The following VPS53 variants were observed in gnomAD, a reference collection of about 807,000 sequenced individuals.
VPS53 encodes VPS53 subunit of GARP complex.
A neutral mutation model predicts 107.0 loss-of-function variants in VPS53; 70 were observed. That is an observed-to-expected ratio of 0.65 (90% CI 0.54 to 0.80). VPS53 has a LOEUF of 0.80. VPS53 is among the 30% of genes least tolerant of loss of function. The pLI, the probability that VPS53 is intolerant of heterozygous loss-of-function variation, is 0.00. For missense variants in VPS53, 917 were observed against 1,049.4 expected, an observed-to-expected ratio of 0.87 and a Z score of 1.74; for synonymous variants, 409 against 393.3, an observed-to-expected ratio of 1.04 and a Z score of -0.47.
rs1006196752 is a variant in VPS53 at position 590,203 on chromosome 17, C to T, written c.1219-3839G>A. On this transcript the variant is annotated intron_variant, in intron 12 of 21. Transcript: ENST00000437048. The stretch of plus-strand genomic sequence containing the variant: ...TGTCTGTTGTTGGTGTATAAGAATG[C>T]TCGTGATTTTTGTACATTGATTTTG... Among the ~76,000 whole-genome samples, 144 of 152,102 alleles carry T rather than the reference C, an allele frequency of 9.5e-4. 2 individuals carry two copies. The highest frequency in any genetic ancestry group is 3.4e-3 in the African/African-American group (140 of 41,502).
chr17:600,653 T>C (rs923116262), intron 12 of VPS53, among the ~76,000 whole-genome samples: 1 of 152,214 alleles, frequency 6.6e-6, no homozygotes, highest in South Asian at 2.1e-4. Context: ...CAATGAGACA[T>C]GAGTCCATCA....
chr17:672,712 C>T (rs1474758944), intron 4 of VPS53, among the ~76,000 whole-genome samples: 1 of 152,114 alleles, frequency 6.6e-6, no homozygotes, highest in Non-Finnish European at 1.5e-5. Context: ...ATGTACTGTG[C>T]TAGATACTGA....
At chr17:654,440 T>C (rs903980338) in intron 6 of VPS53, among the ~76,000 whole-genome samples, 22 of 152,042 alleles carry the variant, frequency 1.4e-4, no homozygotes, top group African/African-American at 1.9e-4. Context: ...ATAAGAAGCA[T>C]TGAAAAAGAC....
At chr17:713,676 G>A (rs1249303417) in intron 1 of VPS53, among the ~76,000 whole-genome samples, 1 of 146,854 alleles carries the variant, frequency 6.8e-6, no homozygotes, top group African/African-American at 2.4e-5. Context: ...AAGAAAAAAA[G>A]AAAAGAAAAA....
rs116333285 is a variant in VPS53 at position 702,872 on chromosome 17, G to A, written c.169-3492C>T. ...TTTCCCTTAATCCCCTCTGCCAGGC[G>A]AGGCACACTTTTCTCCTCTTCAACG... On this transcript the variant is annotated intron_variant, in intron 2 of 21. Transcript: ENST00000437048. Among the ~76,000 whole-genome samples, 155 of 152,088 alleles carry A rather than the reference G, an allele frequency of 1.0e-3. 2 individuals are homozygous for A. Among genetic ancestry groups the A allele is most frequent in the African/African-American group, 3.5e-3 (144 of 41,484 alleles).
Position 661,869 on chromosome 17 carries a change from G to T in VPS53, c.312C>A (p.Ile104=), listed in dbSNP as rs1199563756. 1.3e-6 allele frequency: 2 copies of T among 1,552,228 alleles called. No homozygotes were observed. The highest frequency in any genetic ancestry group is 3.9e-5 in the Admixed American group (2 of 50,998). ...RQALEEAQKA[I]QQLFGKIKDI... ...CTTTGATTTTGCCAAAGAGTTGTTG[G>T]ATAGCTTTCTGAGCCTCTTCAAGCG... The change falls in exon 5 of 22, where the codon ATC becomes ATA. Residue 104 remains isoleucine (I), a synonymous_variant. Transcript: ENST00000437048.
At chr17:552,370 T>C (rs1373412536) in intron 16 of VPS53, among the ~76,000 whole-genome samples, 3 of 152,192 alleles carry the variant, frequency 2.0e-5, no homozygotes, top group East Asian at 3.9e-4. Context: ...AAGTGGTTGA[T>C]GTGAAAGCTG....
chr17:609,905 G>A (rs375462024), intron 11 of VPS53, among the ~76,000 whole-genome samples: 18 of 152,008 alleles, frequency 1.2e-4, no homozygotes, highest in Non-Finnish European at 1.9e-4. Context: ...CGAGGTGGGC[G>A]GATCACGAGG....
intron 4 of VPS53, among the ~76,000 whole-genome samples, chr17:679,103 A>G (rs2143771764): frequency 6.6e-6 from 1 of 152,356 alleles, no homozygotes; most frequent in East Asian, 1.9e-4. Context: ...GAACTGAAAC[A>G]GGAAAAGAGG....
chr17:539,592 G>A (rs545906869), intron 17 of VPS53, among the ~76,000 whole-genome samples: 1 of 152,282 alleles, frequency 6.6e-6, no homozygotes, highest in African/African-American at 2.4e-5. Flanking sequence ...TCAGCTACCA[G>A]GGAGGCTGAG....
intron 4 of VPS53, among the ~76,000 whole-genome samples, chr17:692,137 C>T (rs1239375309): frequency 1.3e-5 from 2 of 152,270 alleles, no homozygotes; most frequent in Non-Finnish European, 2.9e-5. Flanking sequence ...TTACTGACGA[C>T]CGGTCAACGT....
intron 19 of VPS53, among the ~76,000 whole-genome samples, chr17:527,394 G>A (rs1394470885): frequency 6.6e-6 from 1 of 152,140 alleles, no homozygotes; most frequent in East Asian, 1.9e-4. Flanking sequence ...TAAACCTGCT[G>A]TGAACATTCG....
intron 1 of VPS53, among the ~76,000 whole-genome samples, chr17:711,322 A>C (rs1177382457): frequency 6.6e-6 from 1 of 152,258 alleles, no homozygotes; most frequent in Non-Finnish European, 1.5e-5. Context: ...GGTCTCACCC[A>C]GCTTGATAGA....
chr17:679,965 T>C (rs1212882680), intron 4 of VPS53, among the ~76,000 whole-genome samples: 2 of 152,136 alleles, frequency 1.3e-5, no homozygotes, highest in Admixed American at 6.5e-5. Context: ...CTGGCCAACA[T>C]GGTGAAACCC....
At chr17:701,739 A>G (rs1452247428) in intron 2 of VPS53, among the ~76,000 whole-genome samples, 2 of 149,974 alleles carry the variant, frequency 1.3e-5, no homozygotes, top group East Asian at 2.0e-4. Flanking sequence ...CAAATAGCCT[A>G]CCTTTAAGAT....
At chr17:712,787 C>T (rs1973692534) in intron 1 of VPS53, among the ~76,000 whole-genome samples, 1 of 152,186 alleles carries the variant, frequency 6.6e-6, no homozygotes, top group African/African-American at 2.4e-5. Context: ...ACCCCAAAAG[C>T]TGTTGAAACA....
At chr17:702,526 C>T (rs892975993) in intron 2 of VPS53, among the ~76,000 whole-genome samples, 5 of 151,918 alleles carry the variant, frequency 3.3e-5, no homozygotes, top group African/African-American at 4.8e-5. Flanking sequence ...ATTAGCCGGG[C>T]GTGGTGGCAG....
chr17:584,490 T>A (rs927457572), intron 13 of VPS53, among the ~76,000 whole-genome samples: 3 of 152,210 alleles, frequency 2.0e-5, no homozygotes, highest in Non-Finnish European at 2.9e-5. Context: ...ATTTGGAGGC[T>A]ACAAGTTTGT....
At position 643,365 on chromosome 17, in the gene VPS53, C is replaced by T. The variant is rs78522043; in HGVS notation, c.608+9926G>A. ...GAGGACAACACTCATACTTGGAAAC[C>T]GAGGACAACACTCATACTTGGCAAC... On this transcript the variant is annotated intron_variant, in intron 7 of 21. Transcript: ENST00000437048. Among the ~76,000 whole-genome samples the T allele has an allele frequency of 6.4e-3, 933 of 146,044 alleles. 14 individuals carry two copies. The highest frequency in any genetic ancestry group is 0.022 in the African/African-American group (895 of 39,968).
Sources: gnomAD v4.1 joint callset for allele counts (sites outside exome capture counted in the v4.1 genomes callset) on GRCh38, gnomAD v4.1.1 for gene constraint, MANE v1.5 for transcripts, NCBI Gene and HGNC (gene_info 2026-07-23, HGNC 2026-07-21) for gene names.